Variants in CLEC16A observed in about 807,000 individuals in gnomAD.
The protein encoded by CLEC16A is protein CLEC16A.
Under a neutral mutation model 109.5 loss-of-function variants are expected in CLEC16A, and 51 were observed. The observed-to-expected ratio is 0.47, with a 90% CI of 0.37 to 0.59. CLEC16A has a LOEUF of 0.59. Among genes scored for constraint, CLEC16A ranks in the 20% least tolerant of loss-of-function variants. The pLI, the probability that CLEC16A is intolerant of heterozygous loss-of-function variation, is 0.00. For synonymous variants in CLEC16A, 673 were observed against 564.2 expected, an observed-to-expected ratio of 1.19 and a Z score of -2.73; for missense variants, 1,339 against 1,394.0, an observed-to-expected ratio of 0.96 and a Z score of 0.63.
intron 10 of CLEC16A, among the ~76,000 whole-genome samples, chr16:10,988,128 A>G (rs1472471140): frequency 2.0e-5 from 3 of 152,220 alleles, no homozygotes; most frequent in Admixed American, 2.0e-4. Flanking sequence ...GGACAACACT[A>G]ATTCTGAAAC....
intron 2 of CLEC16A, among the ~76,000 whole-genome samples, chr16:10,958,925 G>GAAA (rs2042120492): frequency 6.6e-6 from 1 of 151,848 alleles, no homozygotes; most frequent in African/African-American, 2.4e-5. Context: ...AGCAAGGGCT[G>GAAA]TTAACTGTGA....
intron 19 of CLEC16A, 137 bp from the exon 20 acceptor site, chr16:11,120,478 C>G: frequency 1.2e-6 from 1 of 845,820 alleles, no homozygotes; most frequent in Non-Finnish European, 1.7e-6. Context: ...GGGACTCAGA[C>G]CTAGGTCTGT....
At chr16:11,123,708 A>G (rs1226481136) in intron 20 of CLEC16A, 34 bp from the exon 21 acceptor site, 2 of 1,610,264 alleles carry the variant, frequency 1.2e-6, no homozygotes, top group Non-Finnish European at 1.7e-6. Context: ...CCCAAACCCA[A>G]CGAATGCCTT....
intron 11 of CLEC16A, among the ~76,000 whole-genome samples, chr16:11,013,638 G>A (rs1353759257): frequency 6.6e-6 from 1 of 152,128 alleles, no homozygotes; most frequent in African/African-American, 2.4e-5. Context: ...TGTACCTATA[G>A]TCCCAGCTAT....
At chr16:11,090,026 C>T (rs1039134678) in intron 19 of CLEC16A, among the ~76,000 whole-genome samples, 1 of 152,184 alleles carries the variant, frequency 6.6e-6, no homozygotes, top group Non-Finnish European at 1.5e-5. Context: ...TCTGTTTAGA[C>T]ATTCCTAACT....
intron 19 of CLEC16A, among the ~76,000 whole-genome samples, chr16:11,102,215 G>A (rs934090284): frequency 5.3e-5 from 8 of 152,174 alleles, no homozygotes; most frequent in African/African-American, 1.7e-4. Flanking sequence ...GATTGGGGGT[G>A]TGGTATTGTA....
At chr16:10,975,575 G>A (rs1001145960) in intron 7 of CLEC16A, among the ~76,000 whole-genome samples, 10 of 152,250 alleles carry the variant, frequency 6.6e-5, no homozygotes, top group Admixed American at 2.0e-4. Context: ...TCAGGCGCAC[G>A]GTGGGTTCAT....
rs374743279 is a variant in CLEC16A, at chr16:11,102,377, T to C, written c.2117-18238T>C. Among the ~76,000 whole-genome samples, 6 of 152,356 alleles carry C rather than the reference T, an allele frequency of 3.9e-5. No individual in the cohort carries two copies. In the East Asian group the frequency reaches 7.7e-4, roughly 20 times the overall value. On this transcript the variant is annotated intron_variant, in intron 19 of 23. Transcript: ENST00000409790. ...ATTTGGTTTGTGAGGTATACGCTTT[T>C]GTTTAAGTCCAAAGGTACAGCTTGT...
chr16:11,005,317 C>G (rs538503481), intron 11 of CLEC16A, among the ~76,000 whole-genome samples: 191 of 152,310 alleles, frequency 1.3e-3, no homozygotes, highest in African/African-American at 4.5e-3. Context: ...CTGTGCCCAG[C>G]TGCCCTGGGC....
intron 12 of CLEC16A, among the ~76,000 whole-genome samples, chr16:11,023,221 A>G (rs1341075733): frequency 6.6e-6 from 1 of 151,758 alleles, no homozygotes; most frequent in Non-Finnish European, 1.5e-5. Flanking sequence ...TCAACTCCCA[A>G]GCAAACTTTT....
intron 19 of CLEC16A, among the ~76,000 whole-genome samples, chr16:11,111,707 T>C (rs1358479545): frequency 6.6e-6 from 1 of 152,254 alleles, no homozygotes; most frequent in Non-Finnish European, 1.5e-5. Flanking sequence ...AGAAACTCTG[T>C]AACTCAGATT....
intron 17 of CLEC16A, chr16:11,048,170 G>C (rs2047734066): frequency 1.3e-5 from 2 of 152,488 alleles, no homozygotes; most frequent in Middle Eastern, 3.4e-3. Context: ...CACGCTTCTA[G>C]AGGAGGACAG....
In CLEC16A at chr16:11,063,277, CTTTT is replaced by C. The variant is rs56409015; in HGVS notation, c.2116+2274_2116+2277del. Among the ~76,000 whole-genome samples the C allele has an allele frequency of 1.1e-4, 9 of 79,074 alleles. No homozygotes were observed. The East Asian group carries it at 1.9e-3, about 17-fold the overall frequency. 51.9% of individuals were successfully genotyped at this position (79,074 alleles called of 152,430 possible). A position where few individuals can be genotyped will look rare whatever the true frequency, so the allele number is the denominator to read the frequency against. On this transcript the variant is annotated intron_variant, in intron 19 of 23. Transcript: ENST00000409790. ...GTTTATTTGGTTTTTTTCTTCTTTC[CTTTT>C]TTTTTTTTTTTTTTTTTTGAGGGAG...
At chr16:11,018,057 C>G (rs1274629419) in intron 11 of CLEC16A, among the ~76,000 whole-genome samples, 3 of 150,518 alleles carry the variant, frequency 2.0e-5, no homozygotes, top group Admixed American at 2.0e-4. Context: ...CCTATAATCC[C>G]AGCACTTTGG....
At chr16:11,091,842 G>T (rs1460477768) in intron 19 of CLEC16A, among the ~76,000 whole-genome samples, 1 of 152,124 alleles carries the variant, frequency 6.6e-6, no homozygotes, top group Non-Finnish European at 1.5e-5. Context: ...CTTGATGCCT[G>T]AGCTCCCCCT....
chr16:11,172,107 C>A (rs1020886043), intron 23 of CLEC16A, among the ~76,000 whole-genome samples: 1 of 152,080 alleles, frequency 6.6e-6, no homozygotes, highest in African/African-American at 2.4e-5. Flanking sequence ...CACAAATTTG[C>A]ATGCATAGTC....
chr16:10,999,256 A>G (rs766402062), intron 10 of CLEC16A, among the ~76,000 whole-genome samples: 3 of 152,164 alleles, frequency 2.0e-5, no homozygotes, highest in African/African-American at 7.2e-5. Context: ...AATAAAGTTA[A>G]TATATGTTCA....
intron 11 of CLEC16A, among the ~76,000 whole-genome samples, chr16:11,005,396 G>C (rs1008591527): frequency 6.6e-5 from 10 of 152,252 alleles, no homozygotes; most frequent in African/African-American, 2.4e-4. Context: ...TAGCCAGATC[G>C]TGCCACACAG....
At position 11,057,371 on chromosome 16, in the gene CLEC16A, C is replaced by T. The variant is rs17231113; in HGVS notation, c.1996-3531C>T. ...GCTCAGCACATCACCGGTGCCATCC[C>T]GTTGTACCTGCACGGTGGGTGCCCC... is the stretch of plus-strand genomic sequence containing the variant. On this transcript the variant is annotated intron_variant, in intron 18 of 23. Transcript: ENST00000409790. Among the ~76,000 whole-genome samples, 1,415 of 152,358 alleles carry T rather than the reference C, an allele frequency of 9.3e-3. 11 individuals carry two copies. The highest frequency in any genetic ancestry group is 0.015 in the Non-Finnish European group (1,049 of 68,038).
Sources: allele counts gnomAD v4.1 joint callset (sites outside exome capture counted in the v4.1 genomes callset), GRCh38; gene constraint gnomAD v4.1.1; transcripts MANE v1.5; gene names NCBI Gene and HGNC (gene_info 2026-07-23, HGNC 2026-07-21).